The following VIPR1 variants were observed in gnomAD, a reference collection of about 807,000 sequenced individuals.
VIPR1 encodes vasoactive intestinal peptide receptor 1.
A neutral mutation model predicts 58.8 loss-of-function variants in VIPR1; 59 were observed. The ratio of observed to expected loss-of-function variants is 1.00; its 90% confidence interval spans 0.81 to 1.25. The LOEUF is 1.25. Ranked by LOEUF, VIPR1 falls within the 50% of genes most tolerant of loss-of-function variation. The pLI is 0.00. For missense variants in VIPR1, 626 were observed against 602.7 expected (o/e 1.04, Z -0.40); for synonymous variants, 251 against 242.1 (o/e 1.04, Z -0.34).
chr3:42,499,037 T>C (rs190352909), upstream of VIPR1, among the ~76,000 whole-genome samples: 180 of 152,268 alleles, frequency 1.2e-3, 1 homozygote, highest in Admixed American at 2.8e-3. Flanking sequence ...CCAGCCCCGC[T>C]CTATGGATAA....
At position 42,537,186 on chromosome 3, in the gene VIPR1, A is replaced by T. The variant is rs1253057763; in HGVS notation, c.*905A>T. The T allele has an allele frequency of 6.6e-6, 1 of 152,176 alleles. No individual in the cohort carries two copies. Among genetic ancestry groups the T allele is most frequent in the Admixed American group, 6.5e-5 (1 of 15,278 alleles). 9.4% of individuals were successfully genotyped at this position (152,176 alleles called of 1,614,324 possible). The stretch of plus-strand genomic sequence containing the variant: ...GTTGTAACTAGGCTCAGAGATGTGC[A>T]CCCATGGGCTCTGACAGAAAGCAGA... On this transcript the variant is annotated 3_prime_UTR_variant, in exon 13 of 13. Coordinates refer to ENST00000325123, the MANE Select transcript of VIPR1 (RefSeq NM_004624.4).
upstream of VIPR1, among the ~76,000 whole-genome samples, chr3:42,500,960 T>A (rs1229611495): frequency 1.3e-5 from 2 of 152,118 alleles, no homozygotes; most frequent in East Asian, 1.9e-4. Context: ...GGCAAGGGGA[T>A]GCTGCCCATC....
chr3:42,495,808 A>C (rs985549633), intron 1 of VIPR1, among the ~76,000 whole-genome samples: 3 of 152,066 alleles, frequency 2.0e-5, no homozygotes, highest in South Asian at 2.1e-4. Flanking sequence ...GGAATCTTAT[A>C]GCTGCAAAAA....
upstream of VIPR1, chr3:42,502,520 C>T (rs1699908735): frequency 2.8e-6 from 1 of 361,446 alleles, no homozygotes; most frequent in Admixed American, 4.7e-5. Flanking sequence ...CGCCCCATAC[C>T]TGCGCGGCGG....
chr3:42,493,475 T>C (rs768204748), intron 1 of VIPR1, among the ~76,000 whole-genome samples: 38 of 152,302 alleles, frequency 2.5e-4, no homozygotes, highest in Admixed American at 7.2e-4. Context: ...GTGGGCACAG[T>C]TGGGCCTAGG....
intron 1 of VIPR1, among the ~76,000 whole-genome samples, chr3:42,511,103 G>T (rs1054467187): frequency 1.3e-5 from 2 of 152,180 alleles, no homozygotes; most frequent in Non-Finnish European, 2.9e-5. Flanking sequence ...ATAAAGGAAA[G>T]GCATCAGCTC....
intron 3 of VIPR1, among the ~76,000 whole-genome samples, chr3:42,519,887 A>T (rs1289727278): frequency 6.6e-6 from 1 of 152,212 alleles, no homozygotes; most frequent in African/African-American, 2.4e-5. Context: ...ACTGAGCTGG[A>T]CAAACACAGT....
rs1309682610 is a variant in VIPR1 at position 42,537,374 on chromosome 3, CT to C, written c.*1095del. 2 of 152,226 alleles carry C rather than the reference CT, an allele frequency of 1.3e-5. No homozygotes were observed. Among genetic ancestry groups the C allele is most frequent in the African/African-American group, 4.8e-5 (2 of 41,448 alleles). 9.4% of individuals were successfully genotyped at this position (152,226 alleles called of 1,614,324 possible). The stretch of plus-strand genomic sequence containing the variant: ...TTAATGCCATTATCCCTGAATCCCC[CT>C]TGCCACCCCACCCTCCCTGGAGTGT... On this transcript the variant is annotated 3_prime_UTR_variant, in exon 13 of 13. Transcript: ENST00000325123.
Position 42,525,911 on chromosome 3 carries a change from C to G in VIPR1, c.317C>G (p.Thr106Ser). 1.2e-6 allele frequency: 2 copies of G among 1,613,128 alleles called. No homozygotes were observed. Among genetic ancestry groups the G allele is most frequent in the East Asian group, 2.2e-5 (1 of 44,852 alleles). ...IQGRNVSRSCTDEGWTHLEPG... is the reference protein window; with the variant it reads ...IQGRNVSRSCSDEGWTHLEPG... Reference sequence around the variant, plus strand: ...GGCCGCAATGTAAGCCGCAGCTGCACCGACGAAGGCTGGACGCACCTGGAG... The same window carrying G: ...GGCCGCAATGTAAGCCGCAGCTGCAGCGACGAAGGCTGGACGCACCTGGAG... Residue 106 changes from threonine to serine, a missense_variant, in exon 4 of 13, where the codon ACC becomes AGC. Transcript: ENST00000325123.
chr3:42,527,677 T>G, intron 5 of VIPR1, 181 bp downstream of exon 5: 1 of 665,016 alleles, frequency 1.5e-6, no homozygotes, highest in Admixed American at 2.6e-5. Context: ...AGCTCTTCCA[T>G]GTGTTGCAGC....
chr3:42,536,131 G>T lies in VIPR1; in HGVS notation c.1224G>T (p.Leu408=). ...ELRRKWRRWH[L]QGVLGWNPKY... ...GGCGGAAGTGGCGGCGCTGGCACCTGCAGGGCGTCCTGGGCTGGAACCCCA... is the reference window on the plus strand; with the variant it reads ...GGCGGAAGTGGCGGCGCTGGCACCTTCAGGGCGTCCTGGGCTGGAACCCCA... Residue 408 remains leucine (L), a synonymous_variant, in exon 13 of 13, where the codon CTG becomes CTT. Transcript: ENST00000325123. The T allele has an allele frequency of 6.2e-7, 1 of 1,605,222 alleles. No homozygotes were observed.
In VIPR1 at chr3:42,535,257, G is replaced by A. The variant is rs1701784275; in HGVS notation, c.1141-86G>A. 5.7e-6 allele frequency: 9 copies of A among 1,582,042 alleles called. No homozygotes were observed. The South Asian group carries it at 1.0e-4, about 18-fold the overall frequency. On this transcript the variant is annotated intron_variant, in intron 11 of 12. Transcript: ENST00000325123. The stretch of plus-strand genomic sequence containing the variant: ...TGCTTAGCTCTTTCCTTAACCAGGG[G>A]AACACAGGGGCTGGAGCCAGGGGTG...
intron 3 of VIPR1, among the ~76,000 whole-genome samples, chr3:42,523,726 G>C (rs1457307820): frequency 6.6e-6 from 1 of 152,102 alleles, no homozygotes; most frequent in Admixed American, 6.5e-5. Context: ...ATGTCATTGG[G>C]CCTGGCCTCC....
intron 4 of VIPR1, among the ~76,000 whole-genome samples, chr3:42,526,783 C>G (rs760837396): frequency 7.9e-5 from 12 of 152,124 alleles, no homozygotes; most frequent in Non-Finnish European, 1.6e-4. Flanking sequence ...TGCACTGCAC[C>G]TGTGTCCATG....
At chr3:42,503,111 C>T (rs1699944966) in intron 1 of VIPR1, among the ~76,000 whole-genome samples, 1 of 151,996 alleles carries the variant, frequency 6.6e-6, no homozygotes, top group South Asian at 2.1e-4. Flanking sequence ...GTTGTGGGTG[C>T]GCAGCGGGGT....
At chr3:42,498,313 G>A (rs1221340067), upstream of VIPR1, among the ~76,000 whole-genome samples, 1 of 152,202 alleles carries the variant, frequency 6.6e-6, no homozygotes, top group African/African-American at 2.4e-5. Context: ...GCACAGTAGG[G>A]TTACTAAGGC....
At position 42,511,395 on chromosome 3, in the gene VIPR1, G is replaced by A. The variant is rs144775033; in HGVS notation, c.79-2354G>A. On this transcript the variant is annotated intron_variant, in intron 1 of 12. Transcript: ENST00000325123. Reference sequence around the variant, plus strand: ...CTGAGTAGCCTGACTCAGGCCATGTGTCAGGCACTGTGGCCAGGAATGCTC... The same window carrying A: ...CTGAGTAGCCTGACTCAGGCCATGTATCAGGCACTGTGGCCAGGAATGCTC... Among the ~76,000 whole-genome samples, 7 of 152,306 alleles carry A rather than the reference G, an allele frequency of 4.6e-5. No homozygotes were observed. In the East Asian group the frequency reaches 1.3e-3, roughly 29 times the overall value.
chr3:42,490,119 G>A (rs984736947), intron 1 of VIPR1, among the ~76,000 whole-genome samples: 2 of 152,116 alleles, frequency 1.3e-5, no homozygotes, highest in Admixed American at 6.5e-5. Context: ...TCCCAGGGCA[G>A]GAGTTCAGCT....
At position 42,525,875 on chromosome 3, in the gene VIPR1, C is replaced by T. The variant is rs1416098396; in HGVS notation, c.293-12C>T. On this transcript the variant is annotated splice_polypyrimidine_tract_variant and intron_variant, in intron 3 of 12. Coordinates refer to ENST00000325123, the MANE Select transcript of VIPR1 (RefSeq NM_004624.4). Reference sequence around the variant, plus strand: ...GCCTCAGCCTTTGTCCTTGCCCCTGCCCTCCACCCAGGCCGCAATGTAAGC... The same window carrying T: ...GCCTCAGCCTTTGTCCTTGCCCCTGTCCTCCACCCAGGCCGCAATGTAAGC... 2.5e-6 allele frequency: 4 copies of T among 1,599,182 alleles called. No individual in the cohort carries two copies. In the African/African-American group the frequency reaches 5.4e-5, roughly 21 times the overall value.
Sources: allele counts gnomAD v4.1 joint callset (sites outside exome capture counted in the v4.1 genomes callset), GRCh38; gene constraint gnomAD v4.1.1; transcripts MANE v1.5; gene names NCBI Gene and HGNC (gene_info 2026-07-23, HGNC 2026-07-21).